FOXA1: variants seen among roughly 807,000 people sequenced by gnomAD.
FOXA1 encodes the protein hepatocyte nuclear factor 3-alpha.
In FOXA1, 9 loss-of-function variants were observed where a neutral mutation model predicts 29.2. That is an observed-to-expected ratio of 0.31 (90% confidence interval 0.19 to 0.54). FOXA1 has a LOEUF of 0.54. Ranked by LOEUF, FOXA1 falls within the 20% of genes least tolerant of loss-of-function variation. FOXA1 has a pLI of 0.95. For missense variants in FOXA1, 644 were observed against 681.2 expected (o/e 0.95, Z 0.61); for synonymous variants, 340 against 300.9 (o/e 1.13, Z -1.34).
chr14:37,590,073 T>C lies in FOXA1; in HGVS notation c.*1292A>G. 4.3e-6 allele frequency: 1 copy of C among 232,064 alleles called. No homozygotes were observed. Among genetic ancestry groups the C allele is most frequent in the Non-Finnish European group, 8.5e-6 (1 of 117,366 alleles). 14.4% of individuals were successfully genotyped at this position (232,064 alleles called of 1,614,324 possible). A position where few individuals can be genotyped will look rare whatever the true frequency, so the allele number is the denominator to read the frequency against. On this transcript the variant is annotated 3_prime_UTR_variant, in exon 2 of 2. Transcript: ENST00000250448. Reference sequence around the variant, plus strand: ...TTAAAATCTGGTATTATTTTTGTTATTTAAATCAAAATATTTTTAATTACA... The same window carrying C: ...TTAAAATCTGGTATTATTTTTGTTACTTAAATCAAAATATTTTTAATTACA...
Position 37,594,431 on chromosome 14 carries a change from C to T in FOXA1, c.72+470G>A, listed in dbSNP as rs939884565. 1.5e-5 allele frequency: 15 copies of T among 999,376 alleles called. No homozygotes were observed. The African/African-American group carries it at 2.1e-4, about 14-fold the overall frequency. 61.9% of individuals were successfully genotyped at this position (999,376 alleles called of 1,614,324 possible). A position where few individuals can be genotyped will look rare whatever the true frequency, so the allele number is the denominator to read the frequency against. ...AACAAGTTTTACAAAATTTAGAAAT[C>T]GTTTCATTATTGAGACACCCAACTT... On this transcript the variant is annotated intron_variant, in intron 1 of 1. Transcript: ENST00000250448.
At position 37,590,370 on chromosome 14, in the gene FOXA1, C is replaced by T. The variant is rs1484533028; in HGVS notation, c.*995G>A. The T allele has an allele frequency of 2.6e-5, 6 of 231,256 alleles. No individual in the cohort carries two copies. Among genetic ancestry groups the T allele is most frequent in the Admixed American group, 5.6e-5 (1 of 17,726 alleles). The allele number at this position is 231,256 out of a possible 1,614,324, so 14.3% of individuals were successfully genotyped here. ...GGACCACGTTTTGAAATCCAGCTCCCTATAACTTATCTCTCCTCCAACATT... is the reference window on the plus strand; with the variant it reads ...GGACCACGTTTTGAAATCCAGCTCCTTATAACTTATCTCTCCTCCAACATT... On this transcript the variant is annotated 3_prime_UTR_variant, in exon 2 of 2. Transcript: ENST00000250448.
intron 1 of FOXA1, chr14:37,594,114 C>T (rs931318828): frequency 6.2e-6 from 8 of 1,286,150 alleles, no homozygotes; most frequent in Admixed American, 2.3e-5. Flanking sequence ...CCAAGATTAT[C>T]CAAGGCAGTT....
rs1239201594 is a variant in FOXA1 at position 37,595,167 on chromosome 14, G to GCGGGGGCAGCGC, written c.-207_-196dup. The GCGGGGGCAGCGC allele has an allele frequency of 1.2e-5, 2 of 170,372 alleles. No homozygotes were observed. Among genetic ancestry groups the GCGGGGGCAGCGC allele is most frequent in the African/African-American group, 4.9e-5 (2 of 41,210 alleles). The allele number at this position is 170,372 out of a possible 1,614,324, so 10.6% of individuals were successfully genotyped here. A position where few individuals can be genotyped will look rare whatever the true frequency, so the allele number is the denominator to read the frequency against. On this transcript the variant is annotated 5_prime_UTR_variant, in exon 1 of 2. Transcript: ENST00000250448. The stretch of plus-strand genomic sequence containing the variant: ...CGCGGCGGCGGCGGCGGCGCGGCGG[G>GCGGGGGCAGCGC]CGGGGGCAGCGCCGGGGGCAGGCGG...
rs1458028269 is a variant in FOXA1, at chr14:37,595,080, G to T, written c.-108C>A. ...GCTGAGCAGCTGCAGTCACCCGAGC[G>T]CCCGCGCGGGCCCAACGCCACCCGG... is the stretch of plus-strand genomic sequence containing the variant. On this transcript the variant is annotated 5_prime_UTR_variant, in exon 1 of 2. Transcript: ENST00000250448. The T allele has an allele frequency of 1.3e-5, 11 of 865,366 alleles. No homozygotes were observed. The African/African-American group carries it at 1.6e-4, about 13-fold the overall frequency. 53.6% of individuals were successfully genotyped at this position (865,366 alleles called of 1,614,324 possible). A position where few individuals can be genotyped will look rare whatever the true frequency, so the allele number is the denominator to read the frequency against.
In FOXA1 at chr14:37,590,442, C is replaced by T. The variant is rs993173645; in HGVS notation, c.*923G>A. On this transcript the variant is annotated 3_prime_UTR_variant, in exon 2 of 2. Coordinates refer to ENST00000250448, the MANE Select transcript of FOXA1 (RefSeq NM_004496.5). ...AAAAAAATTCTTTAAATGGTATACA[C>T]TCATAGAAACTAATTTTATGTGTTA... 4 of 227,506 alleles carry T rather than the reference C, an allele frequency of 1.8e-5. No individual in the cohort carries two copies. In the East Asian group the frequency reaches 1.9e-4, roughly 11 times the overall value. The allele number at this position is 227,506 out of a possible 1,614,324, so 14.1% of individuals were successfully genotyped here.
chr14:37,594,098 C>G, intron 1 of FOXA1: 3 of 1,267,170 alleles, frequency 2.4e-6, no homozygotes, highest in Non-Finnish European at 3.1e-6. Flanking sequence ...TTTTCTTTCC[C>G]TCTTCCCAAG....
rs35391958 is a variant in FOXA1 at position 37,591,759 on chromosome 14, G to A, written c.1025C>T (p.Ala342Val). Residue 342 changes from alanine to valine, a missense_variant, in exon 2 of 2, where the codon GCG (alanine) becomes GTG (valine). Around this residue, in one of 5 missense-constraint regions of FOXA1, gnomAD observed 295 missense variants for 294.4 expected, o/e 1.00. Coordinates refer to ENST00000250448, the MANE Select transcript of FOXA1 (RefSeq NM_004496.5). ...PQTLDHSGAT[A>V]TGGASELKTP... ...CTTCAACTCCGAGGCGCCCCCTGTC[G>A]CCGTCGCCCCACTGTGGTCCAGAGT... The A allele has an allele frequency of 8.7e-5, 133 of 1,536,620 alleles. No individual in the cohort carries two copies. In the African/African-American group the frequency reaches 1.1e-3, roughly 12 times the overall value.
chr14:37,592,791 A>C (rs1437902784), intron 1 of FOXA1, 80 bp from the exon 2 acceptor site: 3 of 1,562,176 alleles, frequency 1.9e-6, no homozygotes, highest in Non-Finnish European at 2.6e-6. Flanking sequence ...TCCGGGACCT[A>C]ACCCGGGGGC....
intron 1 of FOXA1, chr14:37,594,521 G>C: frequency 3.0e-6 from 1 of 332,226 alleles, no homozygotes; most frequent in South Asian, 1.0e-4. Context: ...AGGTCGCCTT[G>C]TGGGTATGCT....
In FOXA1 at chr14:37,590,184, A is replaced by G. The variant is rs987718164; in HGVS notation, c.*1181T>C. 2 of 231,594 alleles carry G rather than the reference A, an allele frequency of 8.6e-6. No homozygotes were observed. Among genetic ancestry groups the G allele is most frequent in the Non-Finnish European group, 1.7e-5 (2 of 116,946 alleles). The allele number at this position is 231,594 out of a possible 1,614,324, so 14.3% of individuals were successfully genotyped here. A position where few individuals can be genotyped will look rare whatever the true frequency, so the allele number is the denominator to read the frequency against. ...CAGCTGTAAAGAAAAAGAATAAACC[A>G]TGCAATAAATTAACATTGAGAAAGC... On this transcript the variant is annotated 3_prime_UTR_variant, in exon 2 of 2. Coordinates refer to ENST00000250448, the MANE Select transcript of FOXA1 (RefSeq NM_004496.5).
In FOXA1 at chr14:37,594,931, G is replaced by A; in HGVS notation, c.42C>T (p.Asp14=). 1 of 1,581,302 alleles carries A rather than the reference G, an allele frequency of 6.3e-7. No individual in the cohort carries two copies. Among genetic ancestry groups the A allele is most frequent in the Non-Finnish European group, 8.6e-7 (1 of 1,158,918 alleles). Residue 14 remains aspartate, a synonymous_variant, in exon 1 of 2, where the codon GAC becomes GAT. Transcript: ENST00000250448. ...GCGTGTCTGCGTAGTAGCTGTTCCA[G>A]TCGCTGGTTTCATGCCCTTCCATCT... The part of the protein sequence containing the change: ...TVKMEGHETS[D]WNSYYADTQE...
At position 37,591,652 on chromosome 14, in the gene FOXA1, C is replaced by T. The variant is rs1202872511; in HGVS notation, c.1132G>A (p.Gly378Ser). The stretch of plus-strand genomic sequence containing the variant: ...AGCTGGGACTCGTGGGGTGCCAAGC[C>T]GTGTGCCGGGTGAGAGGCGGGCACA... ...ASVPASHPAH[G>S]LAPHESQLHL... The change falls in exon 2 of 2, where the codon GGC becomes AGC. Residue 378 changes from glycine to serine, a missense_variant. Physicochemically the swap from Gly to Ser is moderately conservative, Grantham distance 56 (BLOSUM62 0). This residue lies in a region of FOXA1 where 295 missense variants were observed against 294.4 expected (regional missense o/e 1.00). Coordinates refer to ENST00000250448, the MANE Select transcript of FOXA1 (RefSeq NM_004496.5). 6 of 1,596,112 alleles carry T rather than the reference C, an allele frequency of 3.8e-6. No individual in the cohort carries two copies. Among genetic ancestry groups the T allele is most frequent in the Non-Finnish European group, 5.1e-6 (6 of 1,170,984 alleles).
chr14:37,592,183 T>G lies in FOXA1; in HGVS notation c.601A>C (p.Met201Leu), dbSNP rs1302415810. The G allele has an allele frequency of 6.2e-7, 1 of 1,613,870 alleles. No individual in the cohort carries two copies. ...TGCCGGTAATAGGGGAAGAGGTCCA[T>G]GATCCACTGGTAGATCTCGCTCAGC... ...LTLSEIYQWI[M>L]DLFPYYRQNQ... is the part of the protein sequence containing the mutation. Residue 201 changes from methionine (M) to leucine (L), a missense_variant, in exon 2 of 2, where the codon ATG becomes CTG. Coordinates refer to ENST00000250448, the MANE Select transcript of FOXA1 (RefSeq NM_004496.5).
chr14:37,592,155 T>C lies in FOXA1; in HGVS notation c.629A>G (p.Asn210Ser), dbSNP rs2139182358. 1.2e-6 allele frequency: 2 copies of C among 1,613,538 alleles called. No homozygotes were observed. Among genetic ancestry groups the C allele is most frequent in the Non-Finnish European group, 1.7e-6 (2 of 1,179,748 alleles). ...IMDLFPYYRQ[N>S]QQRWQNSIRH... ...GATGGAGTTCTGCCAGCGCTGCTGGTTCTGCCGGTAATAGGGGAAGAGGTC... is the reference window on the plus strand; with the variant it reads ...GATGGAGTTCTGCCAGCGCTGCTGGCTCTGCCGGTAATAGGGGAAGAGGTC... Residue 210 changes from asparagine (N) to serine (S), a missense_variant, in exon 2 of 2, where the codon AAC becomes AGC. Transcript: ENST00000250448.
At position 37,592,730 on chromosome 14, in the gene FOXA1, G is replaced by A. The variant is rs2139184353; in HGVS notation, c.73-19C>T. ...AGTAGGCCTGGAGTGGAGACAGCGA[G>A]TGAAGAAGCCCCGGAGGGCGGGGTT... is the stretch of plus-strand genomic sequence containing the variant. On this transcript the variant is annotated intron_variant, in intron 1 of 1. Coordinates refer to ENST00000250448, the MANE Select transcript of FOXA1 (RefSeq NM_004496.5). 1.2e-6 allele frequency: 2 copies of A among 1,607,818 alleles called. No homozygotes were observed. Among genetic ancestry groups the A allele is most frequent in the Non-Finnish European group, 1.7e-6 (2 of 1,179,992 alleles).
rs1211634736 is a variant in FOXA1 at position 37,590,959 on chromosome 14, GA to G, written c.*405del. ...TCGTAGGGGGTCAGGTAAGGAGGGG[GA>G]AAAAGCACAAACAAATATTTTACAA... On this transcript the variant is annotated 3_prime_UTR_variant, in exon 2 of 2. Coordinates refer to ENST00000250448, the MANE Select transcript of FOXA1 (RefSeq NM_004496.5). 10 of 398,858 alleles carry G rather than the reference GA, an allele frequency of 2.5e-5. No homozygotes were observed. Among genetic ancestry groups the G allele is most frequent in the Non-Finnish European group, 3.2e-5 (7 of 215,512 alleles). 24.7% of individuals were successfully genotyped at this position (398,858 alleles called of 1,614,324 possible).
At chr14:37,592,842 G>C (rs997268698) in intron 1 of FOXA1, 131 bp from the exon 2 acceptor site, 3 of 1,103,778 alleles carry the variant, frequency 2.7e-6, no homozygotes, top group Non-Finnish European at 4.1e-6. Flanking sequence ...GCCCCCACCC[G>C]GGGCAAATGG....
In FOXA1 at chr14:37,594,990, C is replaced by G. The variant is rs1189891549; in HGVS notation, c.-18G>C. ...CCTAACATCCTGGAGCCACCCTGCCCAATACAACCATCCAGCCCTGTGCGA... is the reference window on the plus strand; with the variant it reads ...CCTAACATCCTGGAGCCACCCTGCCGAATACAACCATCCAGCCCTGTGCGA... On this transcript the variant is annotated 5_prime_UTR_variant, in exon 1 of 2. Coordinates refer to ENST00000250448, the MANE Select transcript of FOXA1 (RefSeq NM_004496.5). 3.2e-6 allele frequency: 5 copies of G among 1,563,340 alleles called. No individual in the cohort carries two copies. Among genetic ancestry groups the G allele is most frequent in the Non-Finnish European group, 4.4e-6 (5 of 1,147,324 alleles).
Sources: gnomAD v4.1 joint callset for allele counts on GRCh38, gnomAD v4.1.1 for gene constraint, gnomAD v4.1.1 regional missense constraint, MANE v1.5 for transcripts, NCBI Gene and HGNC (gene_info 2026-07-23, HGNC 2026-07-21) for gene names.